The following TLK1 variants were observed in gnomAD, a reference collection of about 807,000 sequenced individuals.
The protein encoded by TLK1 is serine/threonine-protein kinase tousled-like 1.
A neutral mutation model predicts 105.3 loss-of-function variants in TLK1; 24 were observed. The ratio of observed to expected loss-of-function variants is 0.23; its 90% CI spans 0.17 to 0.32. The LOEUF is 0.32. TLK1 is among the 10% of genes least tolerant of loss of function. The pLI is 1.00. For missense variants in TLK1, 558 were observed against 910.5 expected (o/e 0.61, Z 4.98); for synonymous variants, 321 against 310.4 (o/e 1.03, Z -0.36).
At chr2:171,180,654 G>A (rs192029611) in intron 1 of TLK1, among the ~76,000 whole-genome samples, 122 of 152,254 alleles carry the variant, frequency 8.0e-4, no homozygotes, top group African/African-American at 2.8e-3. Context: ...GCTTTGTGCT[G>A]ATGTTACAAA....
At chr2:171,107,101 C>A (rs1689963070) in intron 2 of TLK1, among the ~76,000 whole-genome samples, 1 of 152,156 alleles carries the variant, frequency 6.6e-6, no homozygotes, top group African/African-American at 2.4e-5. Context: ...GAGTCCAGGC[C>A]AGTTGTCTAG....
intron 1 of TLK1, among the ~76,000 whole-genome samples, chr2:171,188,684 C>G (rs1575651725): frequency 8.3e-6 from 1 of 119,816 alleles, no homozygotes; most frequent in South Asian, 2.6e-4. Context: ...TCCAGCCCAG[C>G]AACAGTGCAA....
chr2:171,171,504 CAA>C (rs541238416), intron 1 of TLK1, among the ~76,000 whole-genome samples: 11 of 67,346 alleles, frequency 1.6e-4, no homozygotes, highest in African/African-American at 1.2e-4. Context: ...CCCTCATCTC[CAA>C]AAAAAAAAAA....
In TLK1 at chr2:171,082,832, G is replaced by C; in HGVS notation, c.279C>G (p.Ser93Arg). 6.2e-7 allele frequency: 1 copy of C among 1,609,178 alleles called. No individual in the cohort carries two copies. Among genetic ancestry groups the C allele is most frequent in the Non-Finnish European group, 8.5e-7 (1 of 1,178,340 alleles). The change falls in exon 3 of 21, where the codon AGC becomes AGG. Residue 93 changes from serine (S) to arginine (R), a missense_variant. This residue lies in a region of TLK1 where 104 missense variants were observed against 116.0 expected (regional missense o/e 0.90). Transcript: ENST00000431350. Reference protein sequence around the residue: ...VGAKASTNNESSNHSFGSLGS... With the variant: ...VGAKASTNNERSNHSFGSLGS... Reference sequence around the variant, plus strand: ...CCAAGCTTCCAAAACTGTGATTAGAGCTTTCGTTATTTGTTGAGGCCTGTT... The same window carrying C: ...CCAAGCTTCCAAAACTGTGATTAGACCTTTCGTTATTTGTTGAGGCCTGTT...
rs1427720143 is a variant in TLK1 at position 171,160,309 on chromosome 2, T to C, written c.120A>G (p.Pro40=). Residue 40 remains proline (P), a synonymous_variant, in exon 1 of 21, where the codon CCA becomes CCG. Coordinates refer to ENST00000431350, the MANE Select transcript of TLK1 (RefSeq NM_012290.5). This position sits in a 1 kb window ranked among gnomAD's most constrained non-coding sequence, Gnocchi z 4.4. Reference sequence around the variant, plus strand: ...GCTTACCTTCCCTGGGCCTCCCGGATGGCGGCGTGTGATTCAGCAGGGACC... The same window carrying C: ...GCTTACCTTCCCTGGGCCTCCCGGACGGCGGCGTGTGATTCAGCAGGGACC... ...AARSLLNHTP[P]SGRPREGAMD... is the part of the protein sequence containing the mutation. 1 of 1,586,768 alleles carries C rather than the reference T, an allele frequency of 6.3e-7. No homozygotes were observed. The highest frequency in any genetic ancestry group is 2.5e-5 in the East Asian group (1 of 40,726).
chr2:171,020,860 A>C (rs1461043349), intron 12 of TLK1, among the ~76,000 whole-genome samples: 2 of 152,162 alleles, frequency 1.3e-5, no homozygotes, highest in Non-Finnish European at 2.9e-5. Context: ...GAGAAAAGAT[A>C]AAAATCATTA....
At chr2:171,069,568 G>C (rs893876925) in intron 3 of TLK1, among the ~76,000 whole-genome samples, 7 of 152,138 alleles carry the variant, frequency 4.6e-5, no homozygotes, top group Non-Finnish European at 8.8e-5. Context: ...CATTGCATAG[G>C]ACAGGAACCC....
intron 1 of TLK1, among the ~76,000 whole-genome samples, chr2:171,138,894 T>C (rs1016337335): frequency 6.6e-6 from 1 of 152,188 alleles, no homozygotes; most frequent in African/African-American, 2.4e-5. Context: ...CACAAAGACA[T>C]TCATATTTTT....
At chr2:171,140,173 AG>A (rs1320368200) in intron 1 of TLK1, among the ~76,000 whole-genome samples, 4 of 152,176 alleles carry the variant, frequency 2.6e-5, no homozygotes, top group Non-Finnish European at 5.9e-5. Flanking sequence ...CGTGGTTAAG[AG>A]GAGAAAAAGA....
chr2:171,032,121 C>T (rs1435662952), intron 11 of TLK1, among the ~76,000 whole-genome samples: 1 of 152,010 alleles, frequency 6.6e-6, no homozygotes, highest in Admixed American at 6.6e-5. Context: ...AACAACAACC[C>T]AGGCAAACTA....
chr2:171,139,808 CA>C (rs1244917551), intron 1 of TLK1, among the ~76,000 whole-genome samples: 1 of 38,754 alleles, frequency 2.6e-5, no homozygotes, highest in African/African-American at 1.1e-4. Context: ...TTCCATGGAC[CA>C]GGGGTGGGGT....
At chr2:171,168,414 T>C (rs1240220457) in intron 1 of TLK1, among the ~76,000 whole-genome samples, 3 of 152,186 alleles carry the variant, frequency 2.0e-5, no homozygotes, top group Non-Finnish European at 4.4e-5. Context: ...AATGCCACCA[T>C]GAAGTAAGAG....
chr2:171,109,890 G>C (rs942739532), intron 2 of TLK1, among the ~76,000 whole-genome samples: 2 of 152,090 alleles, frequency 1.3e-5, no homozygotes, highest in African/African-American at 4.8e-5. Flanking sequence ...AGAATATACT[G>C]CATACTTTCA....
At chr2:170,994,551 AAC>A (rs1553602411) in intron 20 of TLK1, among the ~76,000 whole-genome samples, 1 of 151,862 alleles carries the variant, frequency 6.6e-6, no homozygotes, top group African/African-American at 2.4e-5. Context: ...AAAAAAAAAA[AAC>A]CTTTCCTGAA....
intron 1 of TLK1, among the ~76,000 whole-genome samples, chr2:171,122,149 G>A (rs1240036955): frequency 6.6e-6 from 1 of 151,480 alleles, no homozygotes; most frequent in Non-Finnish European, 1.5e-5. Context: ...GTTTCACCAT[G>A]TTGGCCAGGA....
intron 12 of TLK1, among the ~76,000 whole-genome samples, chr2:171,026,380 C>T (rs535795400): frequency 1.3e-5 from 2 of 152,132 alleles, no homozygotes; most frequent in East Asian, 3.9e-4. Flanking sequence ...TAAAACCAAC[C>T]AACCAAAAAC....
intron 1 of TLK1, among the ~76,000 whole-genome samples, chr2:171,208,496 C>A (rs962558443): frequency 3.3e-5 from 5 of 152,054 alleles, no homozygotes; most frequent in Admixed American, 2.6e-4. Context: ...CCTCTCCGTG[C>A]TTAAAAACCC....
intron 3 of TLK1, among the ~76,000 whole-genome samples, chr2:171,074,766 C>T (rs552507314): frequency 6.6e-6 from 1 of 151,952 alleles, no homozygotes; most frequent in East Asian, 1.9e-4. Context: ...AAGTAGAACA[C>T]CACAAACATC....
At chr2:171,199,146 G>C (rs912221490) in intron 1 of TLK1, among the ~76,000 whole-genome samples, 1 of 152,196 alleles carries the variant, frequency 6.6e-6, no homozygotes, top group Admixed American at 6.5e-5. Context: ...TTAGGAATGT[G>C]CATGTGTATC....
Sources: gnomAD v4.1 joint callset for allele counts (sites outside exome capture counted in the v4.1 genomes callset) on GRCh38, gnomAD v4.1.1 for gene constraint, gnomAD v4.1.1 regional missense constraint, Gnocchi (gnomAD v3.1) non-coding constraint, MANE v1.5 for transcripts, NCBI Gene and HGNC (gene_info 2026-07-23, HGNC 2026-07-21) for gene names.